The following CTSC variants were observed in gnomAD, a reference collection of about 807,000 sequenced individuals.
CTSC encodes the protein cathepsin C, also known as dipeptidyl peptidase 1.
In CTSC, 37 loss-of-function variants were observed where a neutral mutation model predicts 40.9. That is an observed-to-expected ratio of 0.91 (90% confidence interval 0.70 to 1.19). CTSC has a LOEUF of 1.19. CTSC is among the 50% of genes most tolerant of loss of function. The pLI, the probability that CTSC is intolerant of heterozygous loss-of-function variation, is 0.00. For synonymous variants in CTSC, 232 were observed against 207.4 expected, an observed-to-expected ratio of 1.12 and a Z score of -1.02; for missense variants, 594 against 567.3, an observed-to-expected ratio of 1.05 and a Z score of -0.48.
At chr11:88,309,848 A>G (rs959301554) in intron 3 of CTSC, among the ~76,000 whole-genome samples, 2 of 149,168 alleles carry the variant, frequency 1.3e-5, no homozygotes, top group African/African-American at 5.0e-5. Flanking sequence ...ACACACACAC[A>G]CTATAAATGC....
intron 2 of CTSC, among the ~76,000 whole-genome samples, chr11:88,331,627 T>TTTA (rs1938358463): frequency 6.6e-6 from 1 of 152,154 alleles, no homozygotes; most frequent in Non-Finnish European, 1.5e-5. Flanking sequence ...TTCTTGGGCT[T>TTTA]TTATGGAGCG....
At chr11:88,322,706 A>T (rs1342490220) in intron 2 of CTSC, 1 of 152,226 alleles carries the variant, frequency 6.6e-6, no homozygotes, top group Non-Finnish European at 1.5e-5. Context: ...ACACACTCCC[A>T]AGACTGAATC....
At chr11:88,326,382 C>G in intron 2 of CTSC, 2 of 1,613,982 alleles carry the variant, frequency 1.2e-6, no homozygotes, top group Admixed American at 1.7e-5. Flanking sequence ...GTCTCTTAGC[C>G]CCAACGTCTG....
chr11:88,294,499 C>T lies in CTSC; in HGVS notation c.899G>A (p.Gly300Asp). 1.2e-6 allele frequency: 2 copies of T among 1,614,126 alleles called. No homozygotes were observed. Among genetic ancestry groups the T allele is most frequent in the Non-Finnish European group, 1.7e-6 (2 of 1,180,006 alleles). Residue 300 changes from glycine to aspartate, a missense_variant, in exon 7 of 7, where the codon GGC becomes GAC. Gly to Asp is a moderately conservative substitution (Grantham distance 94). Transcript: ENST00000227266. ...TCCTGCAATAAGGTATGGGAAGCCG[C>T]CTTCACAGCCTGAAGATGAATAACA... ...SCSQYAQGCE[G>D]GFPYLIAGKY...
chr11:88,300,532 T>A lies in CTSC; in HGVS notation c.755A>T (p.Gln252Leu), dbSNP rs104894207. Residue 252 changes from glutamine to leucine, a missense_variant and splice_region_variant, in exon 5 of 7, where the codon CAA (glutamine) becomes CTA (leucine). By Grantham distance (113) the Gln-to-Leu change is moderately radical. Coordinates refer to ENST00000227266, the MANE Select transcript of CTSC (RefSeq NM_001814.6). ...GINFVSPVRN[Q>L]ASCGSCYSFA... ...AAAACTTAGGCTTATTTTTTTACCT[T>A]GGTTTCGAACAGGACTGACAAAATT... 2 of 1,587,862 alleles carry A rather than the reference T, an allele frequency of 1.3e-6. No homozygotes were observed. The highest frequency in any genetic ancestry group is 2.7e-5 in the African/African-American group (2 of 74,512).
At chr11:88,323,005 G>A (rs188921333) in intron 2 of CTSC, 1 of 152,186 alleles carries the variant, frequency 6.6e-6, no homozygotes, top group East Asian at 1.9e-4. Context: ...GATGAACTTC[G>A]ACGCAAAAAA....
intron 2 of CTSC, 69 bp from the exon 3 acceptor site, chr11:88,312,623 C>T (rs1356542803): frequency 6.5e-7 from 1 of 1,545,160 alleles, no homozygotes; most frequent in Non-Finnish European, 8.8e-7. Context: ...ATTTCCATGG[C>T]TCTCATTCAC....
intron 2 of CTSC, among the ~76,000 whole-genome samples, chr11:88,332,671 T>C (rs1487570166): frequency 1.3e-5 from 2 of 152,224 alleles, no homozygotes; most frequent in Admixed American, 6.5e-5. Context: ...GAAATTATGG[T>C]GCTTGTCATA....
intron 1 of CTSC, among the ~76,000 whole-genome samples, chr11:88,336,022 G>A (rs1938483208): frequency 3.9e-5 from 6 of 152,216 alleles, no homozygotes; most frequent in Admixed American, 3.9e-4. Context: ...CATAGATGAG[G>A]GCTCAGACCT....
At position 88,317,707 on chromosome 11, in the gene CTSC, C is replaced by T. The variant is rs142347994; in HGVS notation, c.319-5153G>A. 1.9e-4 allele frequency among the ~76,000 whole-genome samples: 29 copies of T among 152,208 alleles called. 1 individual carries two copies. In the Middle Eastern group the frequency reaches 0.01, roughly 54 times the overall value. On this transcript the variant is annotated intron_variant, in intron 2 of 6. Coordinates refer to ENST00000227266, the MANE Select transcript of CTSC (RefSeq NM_001814.6). ...AATTAAGAAGTTGAAGTTTTGACCC[C>T]GCTATCCAGCTTGAAATGCAGCCAA... is the stretch of plus-strand genomic sequence containing the variant.
At chr11:88,299,264 T>G (rs1374580626) in intron 5 of CTSC, 1 of 152,188 alleles carries the variant, frequency 6.6e-6, no homozygotes, top group Non-Finnish European at 1.5e-5. Context: ...TATTTGGTGA[T>G]AGCATAACTT....
At position 88,309,333 on chromosome 11, in the gene CTSC, G is replaced by T. The variant is rs1181407447; in HGVS notation, c.486-15C>A. The T allele has an allele frequency of 6.2e-7, 1 of 1,606,306 alleles. No homozygotes were observed. Among genetic ancestry groups the T allele is most frequent in the Admixed American group, 1.7e-5 (1 of 59,998 alleles). On this transcript the variant is annotated splice_polypyrimidine_tract_variant and intron_variant, in intron 3 of 6. Coordinates refer to ENST00000227266, the MANE Select transcript of CTSC (RefSeq NM_001814.6). Reference sequence around the variant, plus strand: ...TATTAGAATACCTGTCCCCAAAAATGAGATAATTTCAGATATAGTCTTTAC... The same window carrying T: ...TATTAGAATACCTGTCCCCAAAAATTAGATAATTTCAGATATAGTCTTTAC...
intron 2 of CTSC, among the ~76,000 whole-genome samples, chr11:88,313,586 A>C (rs1471886765): frequency 6.6e-6 from 1 of 152,124 alleles, no homozygotes; most frequent in Non-Finnish European, 1.5e-5. Flanking sequence ...CTCATGTTAG[A>C]ACATCTCCTC....
At chr11:88,337,016 C>G (rs903268807) in intron 1 of CTSC, among the ~76,000 whole-genome samples, 1 of 149,380 alleles carries the variant, frequency 6.7e-6, no homozygotes, top group African/African-American at 2.4e-5. Flanking sequence ...CTCATCAACA[C>G]CCGCTCAAAC....
intron 1 of CTSC, among the ~76,000 whole-genome samples, chr11:88,335,686 AG>A (rs1257565510): frequency 6.6e-6 from 1 of 152,210 alleles, no homozygotes; most frequent in African/African-American, 2.4e-5. Context: ...ACTGAACAAA[AG>A]GAGAAATGGG....
intron 2 of CTSC, among the ~76,000 whole-genome samples, chr11:88,330,233 CA>C (rs1938312236): frequency 6.6e-6 from 1 of 152,188 alleles, no homozygotes; most frequent in South Asian, 2.1e-4. Context: ...TATTAGTTTA[CA>C]TAAGGTTATT....
intron 2 of CTSC, 147 bp downstream of exon 2, chr11:88,334,790 T>C (rs1938445036): frequency 1.6e-6 from 1 of 639,662 alleles, no homozygotes; most frequent in Non-Finnish European, 2.8e-6. Context: ...GGCAAAATTA[T>C]ACCAACTACT....
chr11:88,314,759 C>G (rs984074102), intron 2 of CTSC, among the ~76,000 whole-genome samples: 27 of 152,108 alleles, frequency 1.8e-4, no homozygotes, highest in Admixed American at 1.8e-3. Context: ...AACTCCTGAC[C>G]TGAGGTGATC....
chr11:88,322,803 G>A (rs1477199340), intron 2 of CTSC: 2 of 152,164 alleles, frequency 1.3e-5, no homozygotes, highest in Non-Finnish European at 2.9e-5. Context: ...AAAAAGTCCA[G>A]GACCAGATGG....
Sources: allele counts gnomAD v4.1 joint callset (sites outside exome capture counted in the v4.1 genomes callset), GRCh38; gene constraint gnomAD v4.1.1; transcripts MANE v1.5; gene names NCBI Gene and HGNC (gene_info 2026-07-23, HGNC 2026-07-21).